Variants in TEX14 observed in about 807,000 individuals in gnomAD.
The protein encoded by TEX14 is testis expressed 14, intercellular bridge forming factor, also known as inactive serine/threonine-protein kinase TEX14.
A neutral mutation model predicts 178.6 loss-of-function variants in TEX14; 168 were observed. The observed-to-expected ratio is 0.94, with a 90% CI of 0.83 to 1.07. The LOEUF (loss-of-function observed/expected upper bound fraction) is 1.07, where lower values mean the gene tolerates loss of function less well. Among genes scored for constraint, TEX14 ranks in the 50% least tolerant of loss-of-function variants. The pLI, the probability that TEX14 is intolerant of heterozygous loss-of-function variation, is 0.00. For missense variants in TEX14, 1,730 were observed against 1,753.6 expected, an observed-to-expected ratio of 0.99 and a Z score of 0.24; for synonymous variants, 626 against 634.1, an observed-to-expected ratio of 0.99 and a Z score of 0.19.
At chr17:58,561,417 A>G in intron 29 of TEX14, 103 bp downstream of exon 29, 2 of 814,680 alleles carry the variant, frequency 2.5e-6, no homozygotes, top group Non-Finnish European at 4.2e-6. Flanking sequence ...GCTTATCTAA[A>G]TCAATGTAAT....
At chr17:58,648,827 T>C (rs2046775084) in intron 2 of TEX14, among the ~76,000 whole-genome samples, 1 of 148,812 alleles carries the variant, frequency 6.7e-6, no homozygotes, top group African/African-American at 2.5e-5. Flanking sequence ...TCTCGCTCTG[T>C]TGCCCAGGCT....
At chr17:58,639,135 G>A (rs1333127658) in intron 2 of TEX14, among the ~76,000 whole-genome samples, 1 of 151,702 alleles carries the variant, frequency 6.6e-6, no homozygotes, top group African/African-American at 2.4e-5. Context: ...AAAGTGCTGG[G>A]ATTACAGGCG....
chr17:58,599,473 C>T lies in TEX14; in HGVS notation c.1872G>A (p.Glu624=), dbSNP rs1472708364. 3 of 1,614,092 alleles carry T rather than the reference C, an allele frequency of 1.9e-6. No individual in the cohort carries two copies. The highest frequency in any genetic ancestry group is 2.7e-5 in the African/African-American group (2 of 75,012). Residue 624 remains glutamate (E), a synonymous_variant, in exon 14 of 32, where the codon GAG becomes GAA. Coordinates refer to ENST00000349033, the MANE Select transcript of TEX14 (RefSeq NM_031272.5). ...CCAAAATCAAGCAGCCTGAGTAGAT[C>T]TCGTTGATTTCGAAACTGCAGAGGC... The part of the protein sequence containing the change: ...QPSLCSFEIN[E]IYSGCLILED...
At chr17:58,573,065 A>G (rs1376616997) in intron 23 of TEX14, 116 bp downstream of exon 23, 26 of 1,422,972 alleles carry the variant, frequency 1.8e-5, no homozygotes, top group African/African-American at 2.9e-5. Flanking sequence ...CTAAAGAAAA[A>G]CCTTTGCACT....
chr17:58,688,109 A>G (rs542345456), intron 1 of TEX14, among the ~76,000 whole-genome samples: 32 of 152,190 alleles, frequency 2.1e-4, no homozygotes, highest in Admixed American at 1.7e-3. Flanking sequence ...TTTTACAATT[A>G]TAGACTTTTT....
Position 58,638,320 on chromosome 17 carries a change from G to A in TEX14, c.137-7766C>T, listed in dbSNP as rs550122653. On this transcript the variant is annotated intron_variant, in intron 2 of 31. Transcript: ENST00000349033. ...GCCCAGTAGTTCAAGACCAGTCTGC[G>A]CAACACAGCGAGACCTTGTCTCTAC... 1.7e-4 allele frequency among the ~76,000 whole-genome samples: 26 copies of A among 151,902 alleles called. No homozygotes were observed. The South Asian group carries it at 3.5e-3, about 21-fold the overall frequency.
chr17:58,570,545 G>T, intron 24 of TEX14, 61 bp from the exon 25 acceptor site: 1 of 1,174,124 alleles, frequency 8.5e-7, no homozygotes, highest in Non-Finnish European at 1.2e-6. Context: ...GGCATATGCA[G>T]CTCAGTCATT....
Position 58,557,817 on chromosome 17 carries a change from C to T in TEX14, c.4301G>A (p.Gly1434Asp), listed in dbSNP as rs778068338. 6.2e-7 allele frequency: 1 copy of T among 1,612,200 alleles called. No homozygotes were observed. Among genetic ancestry groups the T allele is most frequent in the Admixed American group, 1.7e-5 (1 of 59,878 alleles). ...ELKSCFWKRL[G>D]WSESSRIIVL... ...TCATTACCTGGATGATTCGGACCAA[C>T]CTAGTCGCTTCCAAAAACAGGATTT... The change falls in exon 31 of 32, where the codon GGT becomes GAT. Residue 1434 changes from glycine to aspartate, a missense_variant. By Grantham distance (94) the Gly-to-Asp change is moderately conservative. Transcript: ENST00000349033.
intron 19 of TEX14, chr17:58,581,816 G>A (rs1197212250): frequency 1.4e-6 from 2 of 1,452,692 alleles, no homozygotes; most frequent in East Asian, 4.7e-5. Flanking sequence ...TAACAACGGG[G>A]TTATCTAACA....
At chr17:58,669,185 C>T (rs2047262215) in intron 1 of TEX14, among the ~76,000 whole-genome samples, 1 of 152,012 alleles carries the variant, frequency 6.6e-6, no homozygotes, top group Admixed American at 6.6e-5. Flanking sequence ...AACCCCATCT[C>T]TACTAAAAAT....
rs772057924 is a variant in TEX14 at position 58,629,317 on chromosome 17, G to C, written c.251+1123C>G. Among the ~76,000 whole-genome samples, 7 of 152,166 alleles carry C rather than the reference G, an allele frequency of 4.6e-5. No individual in the cohort carries two copies. In the South Asian group the frequency reaches 6.2e-4, roughly 14 times the overall value. ...AAAATACAAAAAATTAGCCAGGCCTGGTGGTGCCCACTTGTAATCCCAGCT... is the reference window on the plus strand; with the variant it reads ...AAAATACAAAAAATTAGCCAGGCCTCGTGGTGCCCACTTGTAATCCCAGCT... On this transcript the variant is annotated intron_variant, in intron 3 of 31. Transcript: ENST00000349033.
At chr17:58,663,897 G>T (rs571549739) in intron 1 of TEX14, among the ~76,000 whole-genome samples, 5 of 152,240 alleles carry the variant, frequency 3.3e-5, no homozygotes, top group Admixed American at 2.0e-4. Context: ...CTCTATTTAG[G>T]CCAGGGGCAG....
chr17:58,631,158 C>A, intron 2 of TEX14: 1 of 984,834 alleles, frequency 1.0e-6, no homozygotes, highest in Non-Finnish European at 1.2e-6. Context: ...CCAAGAAATA[C>A]AAAAATTGAA....
chr17:58,683,210 T>C (rs2047530464), intron 1 of TEX14, among the ~76,000 whole-genome samples: 1 of 150,946 alleles, frequency 6.6e-6, no homozygotes, highest in Admixed American at 6.6e-5. Flanking sequence ...CCATCTCTAC[T>C]AAAGATACAA....
intron 19 of TEX14, chr17:58,581,762 T>C (rs754383360): frequency 1.2e-6 from 2 of 1,601,980 alleles, no homozygotes; most frequent in African/African-American, 1.3e-5. Context: ...ACTTTTAAGT[T>C]GCTGTTCATT....
Position 58,556,815 on chromosome 17 carries a change from G to A in TEX14, c.*196C>T, listed in dbSNP as rs1485573465. On this transcript the variant is annotated 3_prime_UTR_variant, in exon 32 of 32. Coordinates refer to ENST00000349033, the MANE Select transcript of TEX14 (RefSeq NM_031272.5). ...ACTACCTCTCACTTTTCAGAAATCT[G>A]ACTGAAAACAAATGGTTGAATGTGC... The A allele has an allele frequency of 4.1e-6, 2 of 484,906 alleles. No homozygotes were observed. The highest frequency in any genetic ancestry group is 7.2e-5 in the Admixed American group (2 of 27,756). The allele number at this position is 484,906 out of a possible 1,614,324, so 30.0% of individuals were successfully genotyped here.
intron 1 of TEX14, chr17:58,679,693 G>A (rs899923601): frequency 6.6e-6 from 1 of 152,116 alleles, no homozygotes; most frequent in Non-Finnish European, 1.5e-5. Flanking sequence ...TTAAGTATGA[G>A]TCCCCAGCGC....
chr17:58,581,497 A>T, intron 19 of TEX14: 3 of 1,236,108 alleles, frequency 2.4e-6, no homozygotes, highest in Non-Finnish European at 3.4e-6. Flanking sequence ...AAAAAGGTAT[A>T]AAAAATCCTG....
At chr17:58,591,051 C>T (rs574373248) in intron 15 of TEX14, among the ~76,000 whole-genome samples, 1 of 152,142 alleles carries the variant, frequency 6.6e-6, no homozygotes, top group African/African-American at 2.4e-5. Context: ...GTTCTTTGTA[C>T]TTCTGAGGGA....
Sources: gnomAD v4.1 joint callset for allele counts (sites outside exome capture counted in the v4.1 genomes callset) on GRCh38, gnomAD v4.1.1 for gene constraint, MANE v1.5 for transcripts, NCBI Gene and HGNC (gene_info 2026-07-23, HGNC 2026-07-21) for gene names.